BMPR1B: variants seen among roughly 807,000 people sequenced by gnomAD.
BMPR1B encodes bone morphogenetic protein receptor type-1B.
Under a neutral mutation model 59.1 loss-of-function variants are expected in BMPR1B, and 12 were observed. The observed-to-expected ratio is 0.20, with a 90% CI of 0.13 to 0.33. BMPR1B has a LOEUF of 0.33. Among genes scored for constraint, BMPR1B ranks in the 10% least tolerant of loss-of-function variants. BMPR1B has a pLI of 1.00. For synonymous variants in BMPR1B, 237 were observed against 207.3 expected (o/e 1.14, Z -1.23); for missense variants, 550 against 610.9 (o/e 0.90, Z 1.05).
At chr4:95,131,649 C>A in intron 10 of BMPR1B, 137 bp downstream of exon 10, 1 of 1,011,788 alleles carries the variant, frequency 9.9e-7, no homozygotes, top group Non-Finnish European at 1.5e-6. Context: ...AACCACCAAA[C>A]ATTTTATTAG....
At chr4:94,813,313 A>G (rs1416439009) in intron 1 of BMPR1B, among the ~76,000 whole-genome samples, 1 of 152,218 alleles carries the variant, frequency 6.6e-6, no homozygotes, top group Non-Finnish European at 1.5e-5. Context: ...AGGTGTTAAA[A>G]AAATCGAGAA....
At chr4:94,855,296 A>G (rs1393617715) in intron 1 of BMPR1B, among the ~76,000 whole-genome samples, 3 of 152,196 alleles carry the variant, frequency 2.0e-5, no homozygotes, top group African/African-American at 7.2e-5. Context: ...CATTATTAAT[A>G]TCTTCATTTG....
chr4:94,857,188 T>C (rs1240814976), intron 1 of BMPR1B, among the ~76,000 whole-genome samples: 2 of 152,000 alleles, frequency 1.3e-5, no homozygotes, highest in Non-Finnish European at 2.9e-5. Context: ...TGATAAAATA[T>C]GAAAAAAAGG....
chr4:95,023,446 T>C (rs1252171738), intron 3 of BMPR1B, among the ~76,000 whole-genome samples: 1 of 152,166 alleles, frequency 6.6e-6, no homozygotes, highest in Non-Finnish European at 1.5e-5. Context: ...CAGTAGCTCG[T>C]TCATGGGTCA....
intron 3 of BMPR1B, among the ~76,000 whole-genome samples, chr4:95,006,787 C>T (rs781458022): frequency 6.6e-6 from 1 of 152,048 alleles, no homozygotes; most frequent in Non-Finnish European, 1.5e-5. Context: ...GATCCACCCG[C>T]CTCGGCCTCC....
At position 94,824,614 on chromosome 4, in the gene BMPR1B, CATTT is replaced by C. The variant is rs1221320349; in HGVS notation, c.-182-51215_-182-51212del. Among the ~76,000 whole-genome samples the C allele has an allele frequency of 6.6e-5, 10 of 152,230 alleles. No homozygotes were observed. The South Asian group carries it at 1.7e-3, about 25-fold the overall frequency. ...GAACTCATTTTTACTGTCTATATGA[CATTT>C]AGAGAATTAATTTTGTCTGAGAGAA... On this transcript the variant is annotated intron_variant, in intron 1 of 12. Coordinates refer to ENST00000515059, the MANE Select transcript of BMPR1B (RefSeq NM_001203.3).
rs200151103 is a variant in BMPR1B at position 94,982,297 on chromosome 4, C to CT, written c.-112-13736dup. On this transcript the variant is annotated intron_variant, in intron 2 of 12. Transcript: ENST00000515059. ...AGAAATGTATCCAAAGGTGTATTGCCTTTTTTTAAAAAAAAACAAAACAAA... is the reference window on the plus strand; with the variant it reads ...AGAAATGTATCCAAAGGTGTATTGCCTTTTTTTTAAAAAAAAACAAAACAAA... Among the ~76,000 whole-genome samples, 243 of 146,242 alleles carry CT rather than the reference C, an allele frequency of 1.7e-3. 4 individuals carry two copies. Among genetic ancestry groups the CT allele is most frequent in the African/African-American group, 4.6e-3 (187 of 41,084 alleles).
Position 95,131,530 on chromosome 4 carries a change from C to G in BMPR1B, c.1076+18C>G. 1 of 1,612,856 alleles carries G rather than the reference C, an allele frequency of 6.2e-7. No homozygotes were observed. ...TTTATTAGGTTAGTATCAAAGTGAA[C>G]AAATACATGTTTTATGACTCTTTTC... On this transcript the variant is annotated intron_variant, in intron 10 of 12. Transcript: ENST00000515059.
intron 4 of BMPR1B, among the ~76,000 whole-genome samples, chr4:95,108,165 A>G (rs139358262): frequency 6.6e-6 from 1 of 151,998 alleles, no homozygotes; most frequent in African/African-American, 2.4e-5. Flanking sequence ...AACAGACATA[A>G]ATTTGTTCCT....
chr4:94,868,295 G>A (rs1194128527), intron 1 of BMPR1B, among the ~76,000 whole-genome samples: 1 of 151,716 alleles, frequency 6.6e-6, no homozygotes, highest in Non-Finnish European at 1.5e-5. Context: ...CAGCCTCCCA[G>A]GTAGCTGAGA....
intron 10 of BMPR1B, among the ~76,000 whole-genome samples, chr4:95,135,783 A>G (rs937114768): frequency 6.6e-6 from 1 of 152,224 alleles, no homozygotes; most frequent in Non-Finnish European, 1.5e-5. Context: ...GGGGTTTTCT[A>G]GATATACAAT....
intron 2 of BMPR1B, among the ~76,000 whole-genome samples, chr4:94,972,472 C>G (rs892622893): frequency 1.3e-5 from 2 of 152,000 alleles, no homozygotes; most frequent in African/African-American, 4.8e-5. Context: ...CCTAGGTGTA[C>G]ATACCCATAC....
intron 3 of BMPR1B, among the ~76,000 whole-genome samples, chr4:95,087,739 A>G (rs1261210402): frequency 6.6e-6 from 1 of 152,156 alleles, no homozygotes; most frequent in East Asian, 1.9e-4. Context: ...CTCAAAAAAA[A>G]TAAATAAATA....
intron 8 of BMPR1B, 27 bp from the exon 9 acceptor site, chr4:95,129,835 C>CT: frequency 6.2e-7 from 1 of 1,609,480 alleles, no homozygotes; most frequent in Non-Finnish European, 8.5e-7. Context: ...TGTGAATACA[C>CT]TAACAGTGTG....
chr4:94,977,958 A>G (rs967741510), intron 2 of BMPR1B, among the ~76,000 whole-genome samples: 5 of 152,196 alleles, frequency 3.3e-5, no homozygotes, highest in Non-Finnish European at 7.3e-5. Flanking sequence ...CAACATCACT[A>G]TGGGCAATGG....
intron 10 of BMPR1B, among the ~76,000 whole-genome samples, chr4:95,143,767 C>G (rs1244997066): frequency 6.6e-6 from 1 of 152,150 alleles, no homozygotes; most frequent in African/African-American, 2.4e-5. Flanking sequence ...TCATTCGTAC[C>G]TGGTACAGTA....
At chr4:94,841,434 T>C (rs907138412) in intron 1 of BMPR1B, among the ~76,000 whole-genome samples, 4 of 152,080 alleles carry the variant, frequency 2.6e-5, no homozygotes, top group African/African-American at 9.7e-5. Flanking sequence ...CGTAGGACCC[T>C]CCGAGCCAGG....
At chr4:94,793,166 C>T (rs374815152) in intron 1 of BMPR1B, among the ~76,000 whole-genome samples, 21 of 152,066 alleles carry the variant, frequency 1.4e-4, no homozygotes, top group Non-Finnish European at 2.5e-4. Context: ...ATCCCTCCCC[C>T]CTTCCCCCAC....
intron 3 of BMPR1B, among the ~76,000 whole-genome samples, chr4:95,017,503 A>G (rs1333575527): frequency 6.6e-6 from 1 of 152,224 alleles, no homozygotes; most frequent in African/African-American, 2.4e-5. Flanking sequence ...TTTCTTAAAC[A>G]TTCAGTTCTT....
Sources: gnomAD v4.1 joint callset for allele counts (sites outside exome capture counted in the v4.1 genomes callset) on GRCh38, gnomAD v4.1.1 for gene constraint, MANE v1.5 for transcripts, NCBI Gene and HGNC (gene_info 2026-07-23, HGNC 2026-07-21) for gene names.